The following VAX1 variants were observed in gnomAD, a reference collection of about 807,000 sequenced individuals.
VAX1 encodes the protein ventral anterior homeobox 1.
In VAX1, 6 loss-of-function variants were observed where a neutral mutation model predicts 17.6. The observed-to-expected ratio is 0.34, with a 90% CI of 0.19 to 0.67. VAX1 has a LOEUF of 0.67. Ranked by LOEUF, VAX1 falls within the 30% of genes least tolerant of loss-of-function variation. The pLI, the probability that VAX1 is intolerant of heterozygous loss-of-function variation, is 0.69. For missense variants in VAX1, 408 were observed against 463.7 expected, an observed-to-expected ratio of 0.88 and a Z score of 1.10; for synonymous variants, 256 against 227.4, an observed-to-expected ratio of 1.13 and a Z score of -1.13.
In VAX1 at chr10:117,133,589, G is replaced by C; in HGVS notation, c.*419C>G. Reference sequence around the variant, plus strand: ...TGGAAGCCCCTGGGGTCTGCGCGCAGTTTTCCTCTTTCAAATATTCCTAGG... The same window carrying C: ...TGGAAGCCCCTGGGGTCTGCGCGCACTTTTCCTCTTTCAAATATTCCTAGG... On this transcript the variant is annotated 3_prime_UTR_variant, in exon 3 of 3. Transcript: ENST00000369206. 3 of 988,128 alleles carry C rather than the reference G, an allele frequency of 3.0e-6. No individual in the cohort carries two copies. The highest frequency in any genetic ancestry group is 2.4e-6 in the Non-Finnish European group (2 of 831,870). The allele number at this position is 988,128 out of a possible 1,614,324, so 61.2% of individuals were successfully genotyped here. A position where few individuals can be genotyped will look rare whatever the true frequency, so the allele number is the denominator to read the frequency against.
Position 117,134,794 on chromosome 10 carries a change from G to A in VAX1, c.430-211C>T, listed in dbSNP as rs966757675. Among the ~76,000 whole-genome samples the A allele has an allele frequency of 4.6e-5, 7 of 152,082 alleles. No homozygotes were observed. Among genetic ancestry groups the A allele is most frequent in the African/African-American group, 1.4e-4 (6 of 41,436 alleles). On this transcript the variant is annotated intron_variant, in intron 2 of 2. Transcript: ENST00000369206. The surrounding 1 kb of genome is among the most constrained non-coding windows in gnomAD (Gnocchi z 6.2). ...GGACACAGCTGCTCCACCGGGCTGC[G>A]CTTCCGGGTCAGGGAAGCAGGCCCA...
chr10:117,132,162 C>A, downstream of VAX1: 1 of 1,579,920 alleles, frequency 6.3e-7, no homozygotes, highest in African/African-American at 1.4e-5. This position sits in a 1 kb window ranked among gnomAD's most constrained non-coding sequence, Gnocchi z 4.9. Flanking sequence ...CGAAATCCGC[C>A]CAAACCTCAT....
downstream of VAX1, chr10:117,128,647 TATTTTC>T (rs1186345034): frequency 6.6e-6 from 1 of 152,186 alleles, no homozygotes; most frequent in African/African-American, 2.4e-5. Context: ...GAAAGAAAAT[TATTTTC>T]ATATTAGCTA....
At chr10:117,135,832 T>C (rs1285186608) in intron 2 of VAX1, among the ~76,000 whole-genome samples, 1 of 152,238 alleles carries the variant, frequency 6.6e-6, no homozygotes, top group Non-Finnish European at 1.5e-5. Flanking sequence ...CTAGATCTCC[T>C]TCCCATCACA....
In VAX1 at chr10:117,134,052, G is replaced by C; in HGVS notation, c.961C>G (p.Arg321Gly). Residue 321 changes from arginine to glycine, a missense_variant, in exon 3 of 3, where the codon CGG becomes GGG. By Grantham distance (125) the Arg-to-Gly change is moderately radical. Around this residue, in one of 4 missense-constraint regions of VAX1, gnomAD observed 196 missense variants for 218.7 expected, o/e 0.90. Transcript: ENST00000369206. The surrounding 1 kb of genome is among the most constrained non-coding windows in gnomAD (Gnocchi z 6.2). ...TCGGCCCCTTCTTTATTGTTGGTCC[G>C]GGAGTAAGGCTCGAAGGCCGAGGAG... Reference protein sequence around the residue: ...LSSSAFEPYSRTNNKEGAEKK... With the variant: ...LSSSAFEPYSGTNNKEGAEKK... 11 of 1,529,756 alleles carry C rather than the reference G, an allele frequency of 7.2e-6. No homozygotes were observed. Among genetic ancestry groups the C allele is most frequent in the Non-Finnish European group, 9.7e-6 (11 of 1,137,604 alleles). 94.8% of individuals were successfully genotyped at this position (1,529,756 alleles called of 1,614,324 possible). A position where few individuals can be genotyped will look rare whatever the true frequency, so the allele number is the denominator to read the frequency against.
In VAX1 at chr10:117,137,982, C is replaced by T; in HGVS notation, c.75G>A (p.Ala25=). ...CCTTGCTCTCCCGACTCTCCTTGTG[C>T]GCGTTCTTCGAGACCCGGGCAGCCT... The part of the protein sequence containing the change: ...DAEAARVSKN[A]HKESRESKGA... Residue 25 remains alanine, a synonymous_variant, in exon 1 of 3, where the codon GCG becomes GCA. Coordinates refer to ENST00000369206, the MANE Select transcript of VAX1 (RefSeq NM_001112704.2). This position sits in a 1 kb window ranked among gnomAD's most constrained non-coding sequence, Gnocchi z 7.4. The T allele has an allele frequency of 4.3e-6, 7 of 1,613,688 alleles. No individual in the cohort carries two copies. Among genetic ancestry groups the T allele is most frequent in the Non-Finnish European group, 5.9e-6 (7 of 1,179,936 alleles).
intron 2 of VAX1, among the ~76,000 whole-genome samples, chr10:117,135,487 A>G (rs1345856749): frequency 1.3e-5 from 2 of 152,310 alleles, no homozygotes; most frequent in East Asian, 3.9e-4. Flanking sequence ...GATTTTATAA[A>G]CTAAGAGGAG....
rs375753829 is a variant in VAX1, at chr10:117,136,314, G to T, written c.429+158C>A. Among the ~76,000 whole-genome samples the T allele has an allele frequency of 2.0e-4, 31 of 152,318 alleles. No homozygotes were observed. Among genetic ancestry groups the T allele is most frequent in the Middle Eastern group, 6.8e-3 (2 of 294 alleles). ...GGGGGAAAGGATGTATTATCTAGGG[G>T]AAGGAATCCTTAGGCCTGTCTTACC... On this transcript the variant is annotated intron_variant, in intron 2 of 2. Transcript: ENST00000369206. This position sits in a 1 kb window ranked among gnomAD's most constrained non-coding sequence, Gnocchi z 5.0.
In VAX1 at chr10:117,134,245, G is replaced by A. The variant is rs1363333384; in HGVS notation, c.768C>T (p.Ala256=). 1 of 1,391,610 alleles carries A rather than the reference G, an allele frequency of 7.2e-7. No homozygotes were observed. The highest frequency in any genetic ancestry group is 1.5e-5 in the African/African-American group (1 of 64,828). 86.2% of individuals were successfully genotyped at this position (1,391,610 alleles called of 1,614,324 possible). A position where few individuals can be genotyped will look rare whatever the true frequency, so the allele number is the denominator to read the frequency against. ...AVGGAPGPGP[A]GPGGLHAGAP... is the part of the protein sequence containing the mutation. The stretch of plus-strand genomic sequence containing the variant: ...CGCCTGCGTGCAATCCCCCCGGCCC[G>A]GCGGGCCCGGGACCTGGAGCACCGC... Residue 256 remains alanine, a synonymous_variant, in exon 3 of 3, where the codon GCC becomes GCT. Transcript: ENST00000369206. This position sits in a 1 kb window ranked among gnomAD's most constrained non-coding sequence, Gnocchi z 6.2.
In VAX1 at chr10:117,136,936, C is replaced by G. The variant is rs1854188973; in HGVS notation, c.242-277G>C. On this transcript the variant is annotated intron_variant, in intron 1 of 2. Transcript: ENST00000369206. This position sits in a 1 kb window ranked among gnomAD's most constrained non-coding sequence, Gnocchi z 5.0. ...ATCCAATCAATTCCACATAGGCGGA[C>G]GTTTCTTCCGGCCTGGGGGGGCCTC... is the stretch of plus-strand genomic sequence containing the variant. Among the ~76,000 whole-genome samples, 1 of 152,198 alleles carries G rather than the reference C, an allele frequency of 6.6e-6. No individual in the cohort carries two copies. Among genetic ancestry groups the G allele is most frequent in the Admixed American group, 6.5e-5 (1 of 15,292 alleles).
At chr10:117,132,480 A>AT (rs2133658225), downstream of VAX1, 1 of 1,601,428 alleles carries the variant, frequency 6.2e-7, no homozygotes. The surrounding 1 kb of genome is among the most constrained non-coding windows in gnomAD (Gnocchi z 4.9). Context: ...CTATTTGCCT[A>AT]GAAAAAAAAA....
At position 117,137,222 on chromosome 10, in the gene VAX1, T is replaced by G. The variant is rs545027387; in HGVS notation, c.242-563A>C. On this transcript the variant is annotated intron_variant, in intron 1 of 2. Coordinates refer to ENST00000369206, the MANE Select transcript of VAX1 (RefSeq NM_001112704.2). This position sits in a 1 kb window ranked among gnomAD's most constrained non-coding sequence, Gnocchi z 7.4. ...CGCAGCCTCCGCCGCCGGGGCTAAG[T>G]GCACGCCGCGCCATCCGAGAGCGGC... 6.6e-6 allele frequency among the ~76,000 whole-genome samples: 1 copy of G among 152,006 alleles called. No individual in the cohort carries two copies. The highest frequency in any genetic ancestry group is 2.0e-4 in the East Asian group (1 of 5,086).
In VAX1 at chr10:117,134,521, C is replaced by T. The variant is rs1447486944; in HGVS notation, c.492G>A (p.Glu164=). The part of the protein sequence containing the change: ...KQKKDQGKDS[E]LRSVVSETAA... ...CGGTCTCCGACACCACCGAGCGTAG[C>T]TCCGAGTCCTTGCCCTGGTCCTTCT... Residue 164 remains glutamate, a synonymous_variant, in exon 3 of 3, where the codon GAG becomes GAA. Coordinates refer to ENST00000369206, the MANE Select transcript of VAX1 (RefSeq NM_001112704.2). This position sits in a 1 kb window ranked among gnomAD's most constrained non-coding sequence, Gnocchi z 6.2. 6.5e-7 allele frequency: 1 copy of T among 1,533,274 alleles called. No homozygotes were observed. Among genetic ancestry groups the T allele is most frequent in the Non-Finnish European group, 8.7e-7 (1 of 1,142,874 alleles). 95.0% of individuals were successfully genotyped at this position (1,533,274 alleles called of 1,614,324 possible). A position where few individuals can be genotyped will look rare whatever the true frequency, so the allele number is the denominator to read the frequency against.
chr10:117,134,463 G>C lies in VAX1; in HGVS notation c.550C>G (p.Gln184Glu). ...ATCSVLRLLEQGRLLSPPGLP... is the reference protein window; with the variant it reads ...ATCSVLRLLEEGRLLSPPGLP... Reference sequence around the variant, plus strand: ...CCGGGCGGCGACAACAGGCGGCCCTGCTCCAGCAGCCGTAGCACGCTGCAC... The same window carrying C: ...CCGGGCGGCGACAACAGGCGGCCCTCCTCCAGCAGCCGTAGCACGCTGCAC... Residue 184 changes from glutamine (Q) to glutamate (E), a missense_variant, in exon 3 of 3, where the codon CAG becomes GAG. This residue lies in a region of VAX1 where 196 missense variants were observed against 218.7 expected (regional missense o/e 0.90). Transcript: ENST00000369206. The surrounding 1 kb of genome is among the most constrained non-coding windows in gnomAD (Gnocchi z 6.2). The C allele has an allele frequency of 2.0e-6, 3 of 1,518,286 alleles. No individual in the cohort carries two copies. The highest frequency in any genetic ancestry group is 2.6e-6 in the Non-Finnish European group (3 of 1,138,928). The allele number at this position is 1,518,286 out of a possible 1,614,324, so 94.1% of individuals were successfully genotyped here.
rs922913458 is a variant in VAX1 at position 117,133,703 on chromosome 10, G to C, written c.*305C>G. On this transcript the variant is annotated 3_prime_UTR_variant, in exon 3 of 3. Coordinates refer to ENST00000369206, the MANE Select transcript of VAX1 (RefSeq NM_001112704.2). ...AGTTAGAACCAGTCTTTTCCCTCCT[G>C]GGCTGGGCACGGGGTCAGGGCATCA... 3 of 1,125,988 alleles carry C rather than the reference G, an allele frequency of 2.7e-6. No homozygotes were observed. The African/African-American group carries it at 5.0e-5, about 19-fold the overall frequency. 69.7% of individuals were successfully genotyped at this position (1,125,988 alleles called of 1,614,324 possible).
Position 117,136,413 on chromosome 10 carries a change from G to A in VAX1, c.429+59C>T. On this transcript the variant is annotated intron_variant, in intron 2 of 2. Coordinates refer to ENST00000369206, the MANE Select transcript of VAX1 (RefSeq NM_001112704.2). This position sits in a 1 kb window ranked among gnomAD's most constrained non-coding sequence, Gnocchi z 5.0. ...GGTTAGGAGGTGAAGAGCAGGCTAG[G>A]TAGGGGTGGTGGGGAGGAAGGCTGG... 1 of 1,600,254 alleles carries A rather than the reference G, an allele frequency of 6.2e-7. No individual in the cohort carries two copies. Among genetic ancestry groups the A allele is most frequent in the Non-Finnish European group, 8.5e-7 (1 of 1,173,362 alleles).
chr10:117,132,125 C>T, downstream of VAX1: 4 of 1,379,774 alleles, frequency 2.9e-6, no homozygotes, highest in Non-Finnish European at 4.0e-6. This position sits in a 1 kb window ranked among gnomAD's most constrained non-coding sequence, Gnocchi z 4.9. Context: ...ATCGTCGTAG[C>T]CAGGCGTCTC....
At position 117,138,028 on chromosome 10, in the gene VAX1, A is replaced by C. The variant is rs771996022; in HGVS notation, c.29T>G (p.Val10Gly). The change falls in exon 1 of 3, where the codon GTT becomes GGT. Residue 10 changes from valine to glycine, a missense_variant. Physicochemically the swap from Val to Gly is moderately radical, Grantham distance 109 (BLOSUM62 -3). Coordinates refer to ENST00000369206, the MANE Select transcript of VAX1 (RefSeq NM_001112704.2). Reference protein sequence around the residue: MFGKPDKMDVRCHSDAEAAR... With the variant: MFGKPDKMDGRCHSDAEAAR... ...AGCCTCGGCGTCCGAGTGGCATCGA[A>C]CGTCCATTTTGTCTGGTTTCCCGAA... The C allele has an allele frequency of 1.3e-6, 2 of 1,549,696 alleles. No individual in the cohort carries two copies. The highest frequency in any genetic ancestry group is 2.2e-5 in the South Asian group (2 of 90,282).
At chr10:117,135,495 G>T (rs1854161189) in intron 2 of VAX1, among the ~76,000 whole-genome samples, 1 of 152,324 alleles carries the variant, frequency 6.6e-6, no homozygotes, top group Admixed American at 6.5e-5. Context: ...AAACTAAGAG[G>T]AGTAGTAGCA....
Sources: allele counts gnomAD v4.1 joint callset (sites outside exome capture counted in the v4.1 genomes callset), GRCh38; gene constraint gnomAD v4.1.1; regional missense constraint gnomAD v4.1.1; non-coding constraint Gnocchi (gnomAD v3.1); transcripts MANE v1.5; gene names NCBI Gene and HGNC (gene_info 2026-07-23, HGNC 2026-07-21).